The following RAD18 variants were observed in gnomAD, a reference collection of about 807,000 sequenced individuals.
RAD18 encodes the protein E3 ubiquitin-protein ligase RAD18.
In RAD18, 47 loss-of-function variants were observed where a neutral mutation model predicts 60.4. The observed-to-expected ratio is 0.78, with a 90% CI of 0.62 to 0.99. The LOEUF (loss-of-function observed/expected upper bound fraction) is 0.99. Among genes scored for constraint, RAD18 ranks in the 50% least tolerant of loss-of-function variants. The probability of loss-of-function intolerance (pLI) is 0.00; values close to 1 mark genes in which losing one functional copy is unlikely to be tolerated. For synonymous variants in RAD18, 225 were observed against 195.5 expected (o/e 1.15, Z -1.26); for missense variants, 640 against 593.3 (o/e 1.08, Z -0.82).
chr3:8,895,904 T>G (rs1405649895), intron 11 of RAD18, among the ~76,000 whole-genome samples: 1 of 152,244 alleles, frequency 6.6e-6, no homozygotes, highest in Non-Finnish European at 1.5e-5. Flanking sequence ...CACTGGACTT[T>G]CCCATTATCC....
chr3:8,956,450 A>G (rs1269342075), intron 2 of RAD18, among the ~76,000 whole-genome samples: 1 of 152,212 alleles, frequency 6.6e-6, no homozygotes, highest in Non-Finnish European at 1.5e-5. Context: ...AGATTTCATC[A>G]GTGCTTTACT....
At chr3:8,927,228 A>C (rs1297740655) in intron 7 of RAD18, among the ~76,000 whole-genome samples, 3 of 152,110 alleles carry the variant, frequency 2.0e-5, no homozygotes, top group Admixed American at 2.0e-4. Context: ...ACACAAACAA[A>C]CCCATCAAAA....
chr3:8,937,115 C>G (rs1272810787), intron 6 of RAD18, among the ~76,000 whole-genome samples: 1 of 152,188 alleles, frequency 6.6e-6, no homozygotes, highest in Admixed American at 6.5e-5. Context: ...GCTCTTCTTA[C>G]AATGACAACC....
chr3:8,907,623 C>T (rs1020477711), intron 9 of RAD18, among the ~76,000 whole-genome samples: 1 of 152,142 alleles, frequency 6.6e-6, no homozygotes, highest in Non-Finnish European at 1.5e-5. Flanking sequence ...AGCTGCTGAG[C>T]GTCAGGGATA....
At position 8,941,536 on chromosome 3, in the gene RAD18, C is replaced by G. The variant is rs767423682; in HGVS notation, c.535G>C (p.Ala179Pro). 6.2e-7 allele frequency: 1 copy of G among 1,614,030 alleles called. No individual in the cohort carries two copies. The highest frequency in any genetic ancestry group is 8.5e-7 in the Non-Finnish European group (1 of 1,179,954). Residue 179 changes from alanine to proline, a missense_variant, in exon 5 of 13, where the codon GCT becomes CCT. Ala to Pro is a conservative substitution (Grantham distance 27, BLOSUM62 -1). Coordinates refer to ENST00000264926, the MANE Select transcript of RAD18 (RefSeq NM_020165.4). ...TKETRSVEEI[A>P]PDPSEAKRPE... is the part of the protein sequence containing the mutation. Reference sequence around the variant, plus strand: ...CGCTTAGCCTCTGAGGGATCTGGAGCGATCTCTTCTACAGAACGTGTCTCT... The same window carrying G: ...CGCTTAGCCTCTGAGGGATCTGGAGGGATCTCTTCTACAGAACGTGTCTCT...
chr3:8,906,367 T>C (rs905683150), intron 9 of RAD18, among the ~76,000 whole-genome samples: 1 of 152,116 alleles, frequency 6.6e-6, no homozygotes, highest in Non-Finnish European at 1.5e-5. Context: ...CCTCCAGCTA[T>C]GACCCTATTT....
At chr3:8,958,015 A>C (rs1200892081) in intron 2 of RAD18, among the ~76,000 whole-genome samples, 1 of 152,242 alleles carries the variant, frequency 6.6e-6, no homozygotes, top group Non-Finnish European at 1.5e-5. Context: ...AAGAAAACTA[A>C]CATTGTTAAG....
chr3:8,941,351 G>T, intron 5 of RAD18, 116 bp downstream of exon 5: 1 of 920,178 alleles, frequency 1.1e-6, no homozygotes, highest in Non-Finnish European at 1.6e-6. Flanking sequence ...TTGTGATATG[G>T]TAAAATCTGG....
intron 7 of RAD18, among the ~76,000 whole-genome samples, chr3:8,919,557 C>G (rs1940274886): frequency 6.6e-6 from 1 of 152,188 alleles, no homozygotes; most frequent in Non-Finnish European, 1.5e-5. Context: ...CATGGATTTA[C>G]ATGTATATAT....
intron 6 of RAD18, 137 bp from the exon 7 acceptor site, chr3:8,936,192 A>C: frequency 1.1e-6 from 1 of 875,524 alleles, no homozygotes; most frequent in East Asian, 3.0e-5. Context: ...GGGGAGAGAA[A>C]AATCAAGTTT....
intron 8 of RAD18, 100 bp downstream of exon 8, chr3:8,913,544 T>C: frequency 1.2e-6 from 1 of 805,516 alleles, no homozygotes; most frequent in South Asian, 2.4e-5. Flanking sequence ...TGGAAATGTG[T>C]TAGTAAATGA....
Position 8,878,178 on chromosome 3 carries a change from G to C in RAD18, c.*3179C>G, listed in dbSNP as rs1024169965. 2.0e-5 allele frequency: 3 copies of C among 152,248 alleles called. No individual in the cohort carries two copies. The highest frequency in any genetic ancestry group is 4.4e-5 in the Non-Finnish European group (3 of 68,062). 9.4% of individuals were successfully genotyped at this position (152,248 alleles called of 1,614,324 possible). On this transcript the variant is annotated 3_prime_UTR_variant, in exon 13 of 13. Transcript: ENST00000264926. ...CAGCAACATATGCAAGCATGGACTT[G>C]TATCTGTATTCTGAATATCTGAACC...
chr3:8,889,512 TG>T (rs1205760312), intron 12 of RAD18, among the ~76,000 whole-genome samples: 97 of 152,284 alleles, frequency 6.4e-4, no homozygotes, highest in African/African-American at 2.3e-3. Flanking sequence ...GACACAGTGC[TG>T]TAAGCGCCTA....
chr3:8,951,675 G>A (rs548823829), intron 2 of RAD18, among the ~76,000 whole-genome samples: 23 of 152,214 alleles, frequency 1.5e-4, no homozygotes, highest in African/African-American at 3.1e-4. Context: ...ATGTATATGC[G>A]TATAAAAATG....
At chr3:8,948,362 T>C in intron 3 of RAD18, 147 bp downstream of exon 3, 1 of 640,234 alleles carries the variant, frequency 1.6e-6, no homozygotes, top group East Asian at 2.7e-5. Flanking sequence ...TTACATGTAC[T>C]TTAGAGGTCC....
intron 3 of RAD18, 106 bp downstream of exon 3, chr3:8,948,403 T>C (rs2124837871): frequency 2.2e-6 from 2 of 908,928 alleles, no homozygotes; most frequent in South Asian, 3.7e-5. Flanking sequence ...ATAGCTTAAT[T>C]CAGTAACTAC....
intron 7 of RAD18, among the ~76,000 whole-genome samples, chr3:8,922,527 G>C (rs1253996853): frequency 2.4e-4 from 37 of 152,196 alleles, no homozygotes; most frequent in Non-Finnish European, 4.3e-4. Context: ...AGAAACCTCT[G>C]CAGGCTTAAA....
rs377634827 is a variant in RAD18 at position 8,941,420 on chromosome 3, T to C, written c.604+47A>G. ...GCTGCCTATTTATTCTTATGTCATGTGGATGAAAAGATGTCCATATTTCCA... is the reference window on the plus strand; with the variant it reads ...GCTGCCTATTTATTCTTATGTCATGCGGATGAAAAGATGTCCATATTTCCA... On this transcript the variant is annotated intron_variant, in intron 5 of 12. Transcript: ENST00000264926. The C allele has an allele frequency of 1.4e-5, 20 of 1,442,374 alleles. No individual in the cohort carries two copies. The African/African-American group carries it at 2.7e-4, about 20-fold the overall frequency. 89.3% of individuals were successfully genotyped at this position (1,442,374 alleles called of 1,614,324 possible). A position where few individuals can be genotyped will look rare whatever the true frequency, so the allele number is the denominator to read the frequency against.
intron 7 of RAD18, among the ~76,000 whole-genome samples, chr3:8,933,542 T>C (rs535945137): frequency 2.0e-5 from 3 of 152,302 alleles, no homozygotes; most frequent in East Asian, 1.9e-4. Flanking sequence ...GAAAAACCAG[T>C]TGTATTTTTG....
Sources: gnomAD v4.1 joint callset for allele counts (sites outside exome capture counted in the v4.1 genomes callset) on GRCh38, gnomAD v4.1.1 for gene constraint, MANE v1.5 for transcripts, NCBI Gene and HGNC (gene_info 2026-07-23, HGNC 2026-07-21) for gene names.